HCN1: variants seen among roughly 807,000 people sequenced by gnomAD.
HCN1 encodes hyperpolarization activated cyclic nucleotide gated potassium channel 1.
A neutral mutation model predicts 78.9 loss-of-function variants in HCN1; 13 were observed. The observed-to-expected ratio is 0.16, with a 90% CI of 0.11 to 0.26. HCN1 has a LOEUF of 0.26. Ranked by LOEUF, HCN1 falls within the 10% of genes least tolerant of loss-of-function variation. HCN1 has a pLI of 1.00. For synonymous variants in HCN1, 552 were observed against 455.5 expected (o/e 1.21, Z -2.70); for missense variants, 810 against 1,154.3 (o/e 0.70, Z 4.32).
intron 6 of HCN1, among the ~76,000 whole-genome samples, chr5:45,299,268 T>A (rs759293264): frequency 6.6e-6 from 1 of 152,030 alleles, no homozygotes; most frequent in Non-Finnish European, 1.5e-5. Flanking sequence ...TTGACCAACA[T>A]ACCATAGCAA....
chr5:45,488,984 G>A (rs1442989417), intron 2 of HCN1, among the ~76,000 whole-genome samples: 4 of 152,130 alleles, frequency 2.6e-5, no homozygotes, highest in African/African-American at 4.8e-5. Flanking sequence ...GTTGCTGAAT[G>A]CCTGCCACAA....
At chr5:45,624,153 C>T in intron 2 of HCN1, among the ~76,000 whole-genome samples, 1 of 152,042 alleles carries the variant, frequency 6.6e-6, no homozygotes, top group East Asian at 1.9e-4. Context: ...AGATTAGAGG[C>T]CATTGGAACA....
chr5:45,353,366 C>T, intron 4 of HCN1, 120 bp from the exon 5 acceptor site: 2 of 758,964 alleles, frequency 2.6e-6, no homozygotes, highest in Non-Finnish European at 4.3e-6. Flanking sequence ...AAAAAGAAAT[C>T]CTTTAAGATG....
chr5:45,387,780 A>T (rs1747956656), intron 4 of HCN1, among the ~76,000 whole-genome samples: 1 of 152,140 alleles, frequency 6.6e-6, no homozygotes, highest in Non-Finnish European at 1.5e-5. Flanking sequence ...GATGCCTAAA[A>T]CTGCAGATAG....
chr5:45,661,343 G>C (rs1253233200), intron 1 of HCN1, among the ~76,000 whole-genome samples: 1 of 149,192 alleles, frequency 6.7e-6, no homozygotes, highest in East Asian at 2.0e-4. Context: ...ATGCCTACAA[G>C]AGAAAGCAGG....
intron 4 of HCN1, among the ~76,000 whole-genome samples, chr5:45,375,840 TATAATATA>T: frequency 8.3e-6 from 1 of 121,068 alleles, no homozygotes; most frequent in African/African-American, 3.3e-5. Context: ...ATATCTTATA[TATAATATA>T]ATATTTTATG....
chr5:45,548,694 G>A (rs1457441596), intron 2 of HCN1, among the ~76,000 whole-genome samples: 1 of 152,094 alleles, frequency 6.6e-6, no homozygotes, highest in African/African-American at 2.4e-5. Flanking sequence ...TAGGAAAAGA[G>A]GAAGTCAAAT....
intron 2 of HCN1, among the ~76,000 whole-genome samples, chr5:45,468,546 A>G (rs1741327066): frequency 6.6e-6 from 1 of 151,918 alleles, no homozygotes; most frequent in East Asian, 1.9e-4. Flanking sequence ...GTTTCATTTT[A>G]TTTGCTGCTA....
chr5:45,631,094 G>A (rs183000988), intron 2 of HCN1, among the ~76,000 whole-genome samples: 18 of 152,260 alleles, frequency 1.2e-4, no homozygotes, highest in Admixed American at 1.2e-3. Context: ...CCTGGTTGGT[G>A]ATTTTATTTT....
chr5:45,506,884 C>G (rs4288123), intron 2 of HCN1, among the ~76,000 whole-genome samples: 29,587 of 151,970 alleles, frequency 0.19, 3,225 homozygotes, highest in East Asian at 0.32. Context: ...ATATTTATAA[C>G]AAAAATGTTA....
chr5:45,292,242 T>C (rs1745393638), intron 6 of HCN1, among the ~76,000 whole-genome samples: 1 of 152,038 alleles, frequency 6.6e-6, no homozygotes, highest in Non-Finnish European at 1.5e-5. Flanking sequence ...AATTGATAAC[T>C]ATTTTGTACA....
intron 6 of HCN1, among the ~76,000 whole-genome samples, chr5:45,286,673 T>TG (rs1281625047): frequency 6.6e-6 from 1 of 152,024 alleles, no homozygotes; most frequent in Non-Finnish European, 1.5e-5. Context: ...TTCATTTCTT[T>TG]GGGGTACAAC....
chr5:45,350,272 A>T (rs1579831437), intron 5 of HCN1, among the ~76,000 whole-genome samples: 1 of 152,314 alleles, frequency 6.6e-6, no homozygotes, highest in African/African-American at 2.4e-5. Context: ...AAAGACAAAA[A>T]CTACATGATT....
In HCN1 at chr5:45,396,269, C is replaced by G. The variant is rs1270606094; in HGVS notation, c.1230+223G>C. ...TATTTTTTCTGTAGATGTAAAGTCA[C>G]ATTTAAAAAGATTATTATTCAACTG... On this transcript the variant is annotated intron_variant, in intron 4 of 7. Coordinates refer to ENST00000303230, the MANE Select transcript of HCN1 (RefSeq NM_021072.4). Among the ~76,000 whole-genome samples the G allele has an allele frequency of 2.0e-5, 3 of 151,994 alleles. 1 individual carries two copies. The highest frequency in any genetic ancestry group is 7.2e-5 in the African/African-American group (3 of 41,410).
At chr5:45,492,304 G>C (rs1008464851) in intron 2 of HCN1, among the ~76,000 whole-genome samples, 1 of 150,110 alleles carries the variant, frequency 6.7e-6, no homozygotes, top group African/African-American at 2.5e-5. Context: ...GTATGTGTGT[G>C]TGTGTGTGTG....
intron 2 of HCN1, among the ~76,000 whole-genome samples, chr5:45,623,493 C>G (rs191436880): frequency 3.1e-4 from 47 of 152,244 alleles, no homozygotes; most frequent in African/African-American, 1.1e-3. Flanking sequence ...ATCTCAAGTA[C>G]TACAATAATA....
intron 4 of HCN1, among the ~76,000 whole-genome samples, chr5:45,386,042 C>T (rs1747900487): frequency 6.6e-6 from 1 of 152,170 alleles, no homozygotes; most frequent in South Asian, 2.1e-4. Flanking sequence ...CAACCAGAGT[C>T]TTATCTAAAT....
intron 1 of HCN1, among the ~76,000 whole-genome samples, chr5:45,673,608 C>T (rs1268613639): frequency 6.6e-6 from 1 of 151,472 alleles, no homozygotes; most frequent in Admixed American, 6.6e-5. Flanking sequence ...CAAATTCCAC[C>T]CAAGCATCCC....
chr5:45,287,979 C>G (rs1745301486), intron 6 of HCN1, among the ~76,000 whole-genome samples: 1 of 152,066 alleles, frequency 6.6e-6, no homozygotes, highest in Non-Finnish European at 1.5e-5. Flanking sequence ...ATTTCATCCT[C>G]TAAGCAAACC....
Sources: allele counts gnomAD v4.1 joint callset (sites outside exome capture counted in the v4.1 genomes callset), GRCh38; gene constraint gnomAD v4.1.1; transcripts MANE v1.5; gene names NCBI Gene and HGNC (gene_info 2026-07-23, HGNC 2026-07-21).